TPST1: variants seen among roughly 807,000 people sequenced by gnomAD.
TPST1 encodes the protein protein-tyrosine sulfotransferase 1.
TPST1 carries 20 observed loss-of-function variants against 34.8 expected under a neutral mutation model. The observed-to-expected ratio is 0.57, with a 90% confidence interval of 0.40 to 0.84. The LOEUF (loss-of-function observed/expected upper bound fraction) is 0.84, where lower values mean the gene tolerates loss of function less well. Ranked by LOEUF, TPST1 falls within the 40% of genes least tolerant of loss-of-function variation. TPST1 has a pLI of 0.00. For missense variants in TPST1, 353 were observed against 455.5 expected, an observed-to-expected ratio of 0.78 and a Z score of 2.05; for synonymous variants, 152 against 159.4, an observed-to-expected ratio of 0.95 and a Z score of 0.35.
intron 2 of TPST1, among the ~76,000 whole-genome samples, chr7:66,256,953 C>CT (rs1387501654): frequency 2.0e-5 from 3 of 151,890 alleles, no homozygotes; most frequent in South Asian, 2.1e-4. Flanking sequence ...GGTGAAGTTT[C>CT]TTTTTTTTCT....
At chr7:66,271,157 A>C (rs1450142039) in intron 2 of TPST1, among the ~76,000 whole-genome samples, 2 of 151,998 alleles carry the variant, frequency 1.3e-5, no homozygotes, top group Non-Finnish European at 2.9e-5. Flanking sequence ...TTGAGTTCAA[A>C]TTGTTCCTTC....
chr7:66,311,537 G>C (rs1207417407), intron 3 of TPST1, among the ~76,000 whole-genome samples: 1 of 152,130 alleles, frequency 6.6e-6, no homozygotes, highest in Non-Finnish European at 1.5e-5. Flanking sequence ...CCATCTCTCA[G>C]AATACCTCAG....
chr7:66,351,040 C>T (rs1267600520), intron 3 of TPST1, among the ~76,000 whole-genome samples: 2 of 152,160 alleles, frequency 1.3e-5, no homozygotes, highest in African/African-American at 2.4e-5. Context: ...GATATCAAGA[C>T]AGAAAATTAC....
chr7:66,258,538 G>C (rs1562818625), intron 2 of TPST1, among the ~76,000 whole-genome samples: 1 of 152,150 alleles, frequency 6.6e-6, no homozygotes, highest in Non-Finnish European at 1.5e-5. Flanking sequence ...AGTTGTGCTG[G>C]TTCATGTGCA....
chr7:66,337,342 C>G (rs971016827), intron 3 of TPST1, among the ~76,000 whole-genome samples: 3 of 130,502 alleles, frequency 2.3e-5, no homozygotes, highest in African/African-American at 8.8e-5. Context: ...GAGCCTCGCT[C>G]TGTCACTCAA....
chr7:66,228,790 C>T (rs1310051400), intron 1 of TPST1, among the ~76,000 whole-genome samples: 2 of 152,130 alleles, frequency 1.3e-5, no homozygotes, highest in East Asian at 3.8e-4. Flanking sequence ...TCTGTTCAAT[C>T]ACAAACATTA....
At chr7:66,274,727 C>A (rs1790772097) in intron 2 of TPST1, among the ~76,000 whole-genome samples, 1 of 151,910 alleles carries the variant, frequency 6.6e-6, no homozygotes, top group Non-Finnish European at 1.5e-5. Flanking sequence ...ATAAGGAACT[C>A]AATTCGGCAA....
intron 3 of TPST1, among the ~76,000 whole-genome samples, chr7:66,300,520 T>C (rs901010296): frequency 2.0e-5 from 3 of 152,202 alleles, no homozygotes; most frequent in African/African-American, 7.2e-5. Context: ...CTCCCATGAA[T>C]TACGAATGTT....
chr7:66,234,637 A>G (rs553158559), intron 1 of TPST1, among the ~76,000 whole-genome samples: 1 of 152,214 alleles, frequency 6.6e-6, no homozygotes, highest in Non-Finnish European at 1.5e-5. Context: ...CCTTACATCT[A>G]TAGTGTCTGT....
chr7:66,264,523 AGCATTTAAG>A (rs1562820900), intron 2 of TPST1, among the ~76,000 whole-genome samples: 1 of 152,202 alleles, frequency 6.6e-6, no homozygotes, highest in East Asian at 1.9e-4. Flanking sequence ...TTTGGTTCCA[AGCATTTAAG>A]GCAGTCTGTT....
intron 2 of TPST1, among the ~76,000 whole-genome samples, chr7:66,244,107 C>G (rs1040184221): frequency 2.0e-5 from 3 of 151,850 alleles, no homozygotes; most frequent in Non-Finnish European, 4.4e-5. Flanking sequence ...CCCCACCACG[C>G]CCAGCTAATT....
intron 1 of TPST1, among the ~76,000 whole-genome samples, chr7:66,218,211 C>T (rs1351231009): frequency 1.3e-5 from 2 of 152,082 alleles, no homozygotes; most frequent in East Asian, 1.9e-4. Flanking sequence ...TCATTTTCTT[C>T]GTGTAGCCTT....
intron 1 of TPST1, among the ~76,000 whole-genome samples, chr7:66,219,414 A>T (rs140940098): frequency 1.5e-3 from 233 of 152,316 alleles, no homozygotes; most frequent in African/African-American, 5.4e-3. Flanking sequence ...TAGCCTCCGT[A>T]TATATCTGTT....
At chr7:66,355,625 C>T (rs750673586) in intron 4 of TPST1, among the ~76,000 whole-genome samples, 4 of 148,214 alleles carry the variant, frequency 2.7e-5, no homozygotes, top group African/African-American at 5.0e-5. Context: ...CAGGGCCAGG[C>T]GTGGTGGCTC....
Position 66,296,532 on chromosome 7 carries a change from G to A in TPST1, c.1044+9823G>A, listed in dbSNP as rs182924983. On this transcript the variant is annotated intron_variant, in intron 3 of 5. Coordinates refer to ENST00000304842, the MANE Select transcript of TPST1 (RefSeq NM_003596.4). The stretch of plus-strand genomic sequence containing the variant: ...AGTGCTTGAAAAGAGATTGTTGACC[G>A]TTAGCTATGATATGAGATGGGCCCC... Among the ~76,000 whole-genome samples the A allele has an allele frequency of 1.2e-4, 18 of 152,116 alleles. 1 individual carries two copies. The highest frequency in any genetic ancestry group is 3.4e-3 in the Middle Eastern group (1 of 294).
intron 2 of TPST1, among the ~76,000 whole-genome samples, chr7:66,266,847 AGTT>A (rs968133685): frequency 3.3e-5 from 5 of 152,224 alleles, no homozygotes; most frequent in African/African-American, 1.2e-4. Flanking sequence ...TTGTGATAGT[AGTT>A]AGAATAGTGG....
chr7:66,310,743 T>A (rs1220378972), intron 3 of TPST1, among the ~76,000 whole-genome samples: 1 of 152,216 alleles, frequency 6.6e-6, no homozygotes, highest in Non-Finnish European at 1.5e-5. Flanking sequence ...CTGGGTAAAT[T>A]TGAAGTATGA....
chr7:66,278,558 G>A (rs1790867606), intron 2 of TPST1, among the ~76,000 whole-genome samples: 1 of 152,138 alleles, frequency 6.6e-6, no homozygotes, highest in African/African-American at 2.4e-5. Flanking sequence ...GTCGAGGTGG[G>A]CGGATCACGA....
chr7:66,232,864 C>T (rs1789827422), intron 1 of TPST1, among the ~76,000 whole-genome samples: 1 of 152,080 alleles, frequency 6.6e-6, no homozygotes, highest in Non-Finnish European at 1.5e-5. Flanking sequence ...AATTTAACCA[C>T]ATTTTATCAA....
Sources: allele counts gnomAD v4.1 joint callset (sites outside exome capture counted in the v4.1 genomes callset), GRCh38; gene constraint gnomAD v4.1.1; transcripts MANE v1.5; gene names NCBI Gene and HGNC (gene_info 2026-07-23, HGNC 2026-07-21).